Variants in TLN2 observed in about 807,000 individuals in gnomAD.
The protein encoded by TLN2 is talin 2, also known as talin-2.
Under a neutral mutation model 294.7 loss-of-function variants are expected in TLN2, and 118 were observed. That is an observed-to-expected ratio of 0.40 (90% CI 0.34 to 0.47). The LOEUF is 0.47. TLN2 is among the 20% of genes least tolerant of loss of function. The pLI, the probability that TLN2 is intolerant of heterozygous loss-of-function variation, is 0.84. For missense variants in TLN2, 3,083 were observed against 3,282.2 expected, an observed-to-expected ratio of 0.94 and a Z score of 1.48; for synonymous variants, 1,431 against 1,304.5, an observed-to-expected ratio of 1.10 and a Z score of -2.09.
chr15:62,673,082 G>A (rs1048178351), intron 9 of TLN2, among the ~76,000 whole-genome samples: 1 of 151,326 alleles, frequency 6.6e-6, no homozygotes, highest in African/African-American at 2.4e-5. Context: ...TTGTGTGTGT[G>A]TGTGTGTGTG....
intron 11 of TLN2, among the ~76,000 whole-genome samples, chr15:62,680,079 A>G (rs2056677715): frequency 6.6e-6 from 1 of 152,232 alleles, no homozygotes; most frequent in Non-Finnish European, 1.5e-5. Context: ...AACTTTAGCT[A>G]TAAAGTAAGC....
intron 1 of TLN2, among the ~76,000 whole-genome samples, chr15:62,565,332 C>T (rs1473482962): frequency 1.3e-5 from 2 of 152,130 alleles, no homozygotes; most frequent in Non-Finnish European, 1.5e-5. Context: ...AATTTAAAAA[C>T]ATTAAAGTAT....
chr15:62,832,069 A>G (rs74497124), intron 54 of TLN2: 5 of 149,580 alleles, frequency 3.3e-5, no homozygotes, highest in Admixed American at 2.0e-4. Context: ...GGGTTTTCTC[A>G]CTGTAAAAAT....
chr15:62,396,800 G>A (rs938669600), intron 1 of TLN2, among the ~76,000 whole-genome samples: 2 of 152,010 alleles, frequency 1.3e-5, no homozygotes, highest in African/African-American at 4.8e-5. Flanking sequence ...CACCTCCTGG[G>A]TTGAAGCAAT....
chr15:62,464,574 A>T (rs573938754), intron 1 of TLN2, among the ~76,000 whole-genome samples: 1,762 of 106,428 alleles, frequency 0.017, 48 homozygotes, highest in African/African-American at 0.057. Flanking sequence ...AAGTATATTT[A>T]AAAAAAAAAA....
intron 1 of TLN2, among the ~76,000 whole-genome samples, chr15:62,525,766 AGCTGGATGCTG>A (rs2040699890): frequency 6.6e-6 from 1 of 152,190 alleles, no homozygotes; most frequent in Admixed American, 6.5e-5. Context: ...GTGAAAGGGC[AGCTGGATGCTG>A]CCCTCACCTG....
chr15:62,819,566 CAA>C lies in TLN2; in HGVS notation c.6823_6824del (p.Lys2275AlafsTer47). 6.2e-7 allele frequency: 1 copy of C among 1,613,778 alleles called. No homozygotes were observed. The highest frequency in any genetic ancestry group is 8.5e-7 in the Non-Finnish European group (1 of 1,180,020). ...TCAAGCAGCAGCTGGCCGCTTTCTC[CAA>C]GCGAGTCGCCGGCGCTGTGACAGAG... ...EFKQQLAAFSKRVAGAVTELI... is the reference protein window; with the variant it reads ...EFKQQLAAFSXRVAGAVTELI... On this transcript the variant is annotated frameshift_variant, in exon 53 of 59. Transcript: ENST00000636159. LOFTEE classifies it high-confidence loss of function.
At chr15:62,815,176 G>GAC (rs2067004032) in intron 52 of TLN2, among the ~76,000 whole-genome samples, 1 of 46,202 alleles carries the variant, frequency 2.2e-5, no homozygotes, top group Admixed American at 2.8e-4. Flanking sequence ...TATTCTGTCT[G>GAC]TCACACACAC....
chr15:62,427,555 C>T (rs2034783745), intron 1 of TLN2, among the ~76,000 whole-genome samples: 1 of 152,006 alleles, frequency 6.6e-6, no homozygotes, highest in African/African-American at 2.4e-5. Flanking sequence ...GCCATGTTTA[C>T]CCTTGCTGGG....
chr15:62,819,469 A>C (rs1017519118), intron 52 of TLN2, 47 bp from the exon 53 acceptor site: 2 of 1,493,408 alleles, frequency 1.3e-6, no homozygotes, highest in African/African-American at 2.8e-5. Context: ...TTCCTGTCCC[A>C]GTGGTTACTA....
intron 28 of TLN2, among the ~76,000 whole-genome samples, 192 bp downstream of exon 28, chr15:62,727,381 T>A (rs895955886): frequency 6.6e-6 from 1 of 152,118 alleles, no homozygotes; most frequent in Admixed American, 6.5e-5. Flanking sequence ...AAATTGTGAT[T>A]CCCCCAAACC....
At chr15:62,761,579 G>A in intron 37 of TLN2, 102 bp from the exon 38 acceptor site, 1 of 1,519,954 alleles carries the variant, frequency 6.6e-7, no homozygotes, top group Non-Finnish European at 9.0e-7. Flanking sequence ...GATTTTCAGT[G>A]TTCCGGTTGA....
At chr15:62,638,752 T>G in intron 3 of TLN2, 1 of 397,994 alleles carries the variant, frequency 2.5e-6, no homozygotes, top group South Asian at 1.9e-5. Context: ...TAAATAAATA[T>G]GTATTGAACC....
chr15:62,798,263 C>T (rs943741599), intron 48 of TLN2, among the ~76,000 whole-genome samples: 4 of 152,082 alleles, frequency 2.6e-5, no homozygotes, highest in Non-Finnish European at 5.9e-5. Context: ...AACTGGAAGG[C>T]TAGGGAAGGG....
At chr15:62,480,285 C>G (rs544187927) in intron 1 of TLN2, among the ~76,000 whole-genome samples, 1 of 152,334 alleles carries the variant, frequency 6.6e-6, no homozygotes, top group East Asian at 1.9e-4. Context: ...GCGATCTCAG[C>G]TCACTGCGAC....
chr15:62,830,607 G>A (rs368942408), intron 54 of TLN2: 4 of 152,320 alleles, frequency 2.6e-5, no homozygotes, highest in East Asian at 1.9e-4. Flanking sequence ...TTGGCTTGGA[G>A]AGATGCCATT....
intron 1 of TLN2, chr15:62,561,407 C>G (rs889883218): frequency 3.3e-5 from 5 of 152,238 alleles, no homozygotes; most frequent in Admixed American, 6.5e-5. Flanking sequence ...AACGCCTTCG[C>G]GAGAGGAGCT....
At chr15:62,809,244 G>T (rs568864549) in intron 51 of TLN2, among the ~76,000 whole-genome samples, 1 of 152,338 alleles carries the variant, frequency 6.6e-6, no homozygotes, top group Non-Finnish European at 1.5e-5. Flanking sequence ...TATCCCTTCA[G>T]AAATGATGTA....
chr15:62,724,513 T>C (rs1304004959), intron 26 of TLN2, among the ~76,000 whole-genome samples: 2 of 152,220 alleles, frequency 1.3e-5, no homozygotes, highest in African/African-American at 4.8e-5. Flanking sequence ...TACAGAAAAG[T>C]AATGATTTAT....
Sources: gnomAD v4.1 joint callset for allele counts (sites outside exome capture counted in the v4.1 genomes callset) on GRCh38, gnomAD v4.1.1 for gene constraint, MANE v1.5 for transcripts, NCBI Gene and HGNC (gene_info 2026-07-23, HGNC 2026-07-21) for gene names.